RBMS3: variants seen among roughly 807,000 people sequenced by gnomAD.
RBMS3 encodes RNA-binding motif, single-stranded-interacting protein 3.
A neutral mutation model predicts 66.8 loss-of-function variants in RBMS3; 27 were observed. The observed-to-expected ratio is 0.40, with a 90% CI of 0.30 to 0.56. RBMS3 has a LOEUF of 0.56. Among genes scored for constraint, RBMS3 ranks in the 20% least tolerant of loss-of-function variants. RBMS3 has a pLI of 0.40. For synonymous variants in RBMS3, 188 were observed against 183.0 expected (o/e 1.03, Z -0.22); for missense variants, 513 against 549.5 (o/e 0.93, Z 0.66).
intron 1 of RBMS3, among the ~76,000 whole-genome samples, chr3:29,346,552 G>C (rs113749775): frequency 0.056 from 8,482 of 151,468 alleles, 251 homozygotes; most frequent in Middle Eastern, 0.075. Context: ...TACAGGTGCC[G>C]ACCACCATGC....
rs12629346 is a variant in RBMS3, at chr3:29,702,340, A to G, written c.400-37380A>G. On this transcript the variant is annotated intron_variant, in intron 4 of 14. Transcript: ENST00000383767. ...TAGCTCAGGGATTGTAAACACACCA[A>G]TCAGCACCCTGTCAAAACAGACCAA... Among the ~76,000 whole-genome samples, 144 of 152,282 alleles carry G rather than the reference A, an allele frequency of 9.5e-4. 2 individuals are homozygous for G. In the East Asian group the frequency reaches 0.026, roughly 27 times the overall value.
chr3:29,937,623 A>G (rs1401847226), intron 11 of RBMS3, among the ~76,000 whole-genome samples: 34 of 151,968 alleles, frequency 2.2e-4, no homozygotes, highest in Non-Finnish European at 1.5e-5. Flanking sequence ...AAAGCAGTCG[A>G]TGGTAACTTA....
intron 2 of RBMS3, among the ~76,000 whole-genome samples, chr3:29,451,254 T>G (rs1676581419): frequency 6.6e-6 from 1 of 152,182 alleles, no homozygotes; most frequent in African/African-American, 2.4e-5. Flanking sequence ...TATATTAAAA[T>G]TATAGGATGA....
rs537295428 is a variant in RBMS3, at chr3:29,690,499, C to T, written c.400-49221C>T. ...GTTATAACTGATTCAAATTGTTCTT[C>T]ACCTCTAATCAATTATCTCTAATCA... On this transcript the variant is annotated intron_variant, in intron 4 of 14. Coordinates refer to ENST00000383767, the MANE Select transcript of RBMS3 (RefSeq NM_001003793.3). 9.8e-5 allele frequency among the ~76,000 whole-genome samples: 15 copies of T among 152,324 alleles called. 1 individual carries two copies. The highest frequency in any genetic ancestry group is 3.6e-4 in the African/African-American group (15 of 41,568).
chr3:29,947,803 G>A (rs143763799), intron 12 of RBMS3, among the ~76,000 whole-genome samples: 2 of 151,042 alleles, frequency 1.3e-5, no homozygotes, highest in Non-Finnish European at 3.0e-5. Flanking sequence ...AAGATAATTT[G>A]TAGTCAAATT....
At chr3:29,507,801 G>T (rs530742021) in intron 3 of RBMS3, among the ~76,000 whole-genome samples, 1 of 152,108 alleles carries the variant, frequency 6.6e-6, no homozygotes, top group Admixed American at 6.6e-5. Context: ...CATTTAGAAG[G>T]CAAAGGTCTA....
chr3:29,520,038 C>T (rs1199185219), intron 3 of RBMS3, among the ~76,000 whole-genome samples: 1 of 152,082 alleles, frequency 6.6e-6, no homozygotes. Context: ...ATCTGCAATT[C>T]AAATGTAACT....
In RBMS3 at chr3:29,635,198, TTCTC is replaced by T. The variant is rs1382817026; in HGVS notation, c.399+47996_399+47999del. On this transcript the variant is annotated intron_variant, in intron 4 of 14. Transcript: ENST00000383767. ...ATACTTATATTTCCATATCAAATCT[TTCTC>T]TCATTCCAGTCTTTTAGATACCACT... Among the ~76,000 whole-genome samples, 3 of 151,944 alleles carry T rather than the reference TTCTC, an allele frequency of 2.0e-5. No homozygotes were observed. In the East Asian group the frequency reaches 5.8e-4, roughly 29 times the overall value.
chr3:29,674,979 C>T (rs2051178618), intron 4 of RBMS3, among the ~76,000 whole-genome samples: 1 of 152,194 alleles, frequency 6.6e-6, no homozygotes. Flanking sequence ...AAGCTGGAGG[C>T]ATCACGCTAC....
At chr3:29,987,649 T>C (rs564731794) in intron 12 of RBMS3, among the ~76,000 whole-genome samples, 1 of 152,320 alleles carries the variant, frequency 6.6e-6, no homozygotes, top group African/African-American at 2.4e-5. Context: ...TTGCCAATAA[T>C]GCCAATGTAT....
At chr3:29,657,126 A>C (rs1350227765) in intron 4 of RBMS3, among the ~76,000 whole-genome samples, 4 of 152,220 alleles carry the variant, frequency 2.6e-5, no homozygotes, top group African/African-American at 9.6e-5. Flanking sequence ...AGGCTGGGAA[A>C]TGTGGTAGAG....
intron 1 of RBMS3, among the ~76,000 whole-genome samples, chr3:29,365,893 T>C (rs780031292): frequency 6.6e-6 from 1 of 152,196 alleles, no homozygotes; most frequent in Non-Finnish European, 1.5e-5. Flanking sequence ...ACTGCCTCCT[T>C]AACATTTGTG....
At chr3:29,572,487 AT>A (rs1055900739) in intron 3 of RBMS3, among the ~76,000 whole-genome samples, 7 of 152,012 alleles carry the variant, frequency 4.6e-5, no homozygotes, top group African/African-American at 1.7e-4. Context: ...GAGATGTTCA[AT>A]TTTTTCAAAT....
At chr3:29,461,762 CT>C (rs562786878) in intron 2 of RBMS3, among the ~76,000 whole-genome samples, 16 of 116,692 alleles carry the variant, frequency 1.4e-4, no homozygotes, top group East Asian at 6.8e-4. Flanking sequence ...TTCTCTCTCT[CT>C]TTTTTTTTGA....
In RBMS3 at chr3:29,712,906, C is replaced by G. The variant is rs554765505; in HGVS notation, c.400-26814C>G. On this transcript the variant is annotated intron_variant, in intron 4 of 14. Coordinates refer to ENST00000383767, the MANE Select transcript of RBMS3 (RefSeq NM_001003793.3). ...ATTCTCCACCTTGCAGACAGCATATCCTGCACTTCTTTGTTTCCATAATTA... is the reference window on the plus strand; with the variant it reads ...ATTCTCCACCTTGCAGACAGCATATGCTGCACTTCTTTGTTTCCATAATTA... Among the ~76,000 whole-genome samples the G allele has an allele frequency of 1.4e-3, 220 of 152,236 alleles. 2 individuals carry two copies. Among genetic ancestry groups the G allele is most frequent in the African/African-American group, 5.0e-3 (209 of 41,548 alleles).
chr3:29,399,436 A>T (rs1208757051), intron 1 of RBMS3, among the ~76,000 whole-genome samples: 2 of 151,926 alleles, frequency 1.3e-5, no homozygotes, highest in East Asian at 3.9e-4. Flanking sequence ...AAATCTATCT[A>T]TTAAGAGCTT....
chr3:29,608,564 A>C lies in RBMS3; in HGVS notation c.399+21359A>C, dbSNP rs572103413. ...TATTATTTAGATGACCAAAGATGAC[A>C]GAATATACTTCTTAATTTACATGAA... On this transcript the variant is annotated intron_variant, in intron 4 of 14. Coordinates refer to ENST00000383767, the MANE Select transcript of RBMS3 (RefSeq NM_001003793.3). Among the ~76,000 whole-genome samples, 88 of 152,174 alleles carry C rather than the reference A, an allele frequency of 5.8e-4. 1 individual carries two copies. Among genetic ancestry groups the C allele is most frequent in the African/African-American group, 2.1e-3 (86 of 41,552 alleles).
At chr3:29,904,789 C>A (rs1348973995) in intron 10 of RBMS3, among the ~76,000 whole-genome samples, 1 of 151,798 alleles carries the variant, frequency 6.6e-6, no homozygotes, top group African/African-American at 2.4e-5. Context: ...ATTTCTGAAT[C>A]CTATGAGTTG....
chr3:29,365,000 A>G (rs2037817059), intron 1 of RBMS3, among the ~76,000 whole-genome samples: 1 of 152,166 alleles, frequency 6.6e-6, no homozygotes, highest in Non-Finnish European at 1.5e-5. Context: ...TAAAAAGATA[A>G]GACCTAGTTA....
Sources: gnomAD v4.1 joint callset for allele counts (sites outside exome capture counted in the v4.1 genomes callset) on GRCh38, gnomAD v4.1.1 for gene constraint, MANE v1.5 for transcripts, NCBI Gene and HGNC (gene_info 2026-07-23, HGNC 2026-07-21) for gene names.